The following KDM3B variants were observed in gnomAD, a reference collection of about 807,000 sequenced individuals.
The protein encoded by KDM3B is lysine-specific demethylase 3B.
In KDM3B, 10 loss-of-function variants were observed where a neutral mutation model predicts 170.0. The ratio of observed to expected loss-of-function variants is 0.06; its 90% CI spans 0.04 to 0.10. The LOEUF (loss-of-function observed/expected upper bound fraction) is 0.10. KDM3B is among the 10% of genes least tolerant of loss of function. The pLI, the probability that KDM3B is intolerant of heterozygous loss-of-function variation, is 1.00. For missense variants in KDM3B, 1,394 were observed against 2,195.2 expected, an observed-to-expected ratio of 0.64 and a Z score of 7.29; for synonymous variants, 831 against 834.8, an observed-to-expected ratio of 1.00 and a Z score of 0.08.
intron 2 of KDM3B, 79 bp downstream of exon 2, chr5:138,372,920 T>C: frequency 7.6e-7 from 1 of 1,317,814 alleles, no homozygotes; most frequent in Non-Finnish European, 1.0e-6. Context: ...GGACAGAGTA[T>C]GTGTAAGAAC....
At chr5:138,366,382 G>A (rs769398057) in intron 1 of KDM3B, among the ~76,000 whole-genome samples, 15 of 152,014 alleles carry the variant, frequency 9.9e-5, no homozygotes, top group East Asian at 1.9e-4. Flanking sequence ...CCAGGCTGGA[G>A]TGCAGTGGCG....
intron 1 of KDM3B, among the ~76,000 whole-genome samples, chr5:138,366,064 C>T (rs1761738425): frequency 6.6e-6 from 1 of 152,006 alleles, no homozygotes; most frequent in Non-Finnish European, 1.5e-5. Context: ...ATACTGTTCA[C>T]TCTCTCATCC....
chr5:138,398,101 G>A (rs1279737488), intron 9 of KDM3B, 77 bp from the exon 10 acceptor site: 5 of 1,128,114 alleles, frequency 4.4e-6, no homozygotes, highest in East Asian at 4.7e-5. Flanking sequence ...TTTTACTTCT[G>A]TTTAGGTCCC....
chr5:138,378,894 A>C (rs1347031799), intron 4 of KDM3B, among the ~76,000 whole-genome samples: 1 of 151,726 alleles, frequency 6.6e-6, no homozygotes, highest in Non-Finnish European at 1.5e-5. Context: ...AAAATTGGTA[A>C]TGATTTAGCT....
In KDM3B at chr5:138,392,226, C is replaced by A; in HGVS notation, c.2594C>A (p.Ala865Asp). 1 of 1,503,210 alleles carries A rather than the reference C, an allele frequency of 6.7e-7. No homozygotes were observed. The highest frequency in any genetic ancestry group is 2.3e-5 in the East Asian group (1 of 43,632). The allele number at this position is 1,503,210 out of a possible 1,614,324, so 93.1% of individuals were successfully genotyped here. A position where few individuals can be genotyped will look rare whatever the true frequency, so the allele number is the denominator to read the frequency against. Residue 865 changes from alanine (A) to aspartate (D), a missense_variant, in exon 8 of 24, where the codon GCC becomes GAC. Ala to Asp is a moderately radical substitution (Grantham distance 126). This residue lies in a region of KDM3B where 84 missense variants were observed against 135.8 expected (regional missense o/e 0.62). Transcript: ENST00000314358. ...LLLGKSKGKQ[A>D]PKGRPRTAPL... ...CTGGGCAAAAGCAAAGGGAAGCAGG[C>A]CCCCAAGGGCCGGCCTCGGACTGCC...
At chr5:138,419,301 C>T (rs1763191847) in intron 14 of KDM3B, 69 bp downstream of exon 14, 1 of 1,491,130 alleles carries the variant, frequency 6.7e-7, no homozygotes, top group Non-Finnish European at 9.1e-7. Context: ...ATTCTTTGAA[C>T]TCACACATTA....
At chr5:138,362,821 G>T (rs192131926) in intron 1 of KDM3B, among the ~76,000 whole-genome samples, 6,174 of 149,364 alleles carry the variant, frequency 0.041, 175 homozygotes, top group South Asian at 0.11. Context: ...CATGTGCCAT[G>T]TTGGTGTGCT....
At chr5:138,405,512 GA>G (rs541647551) in intron 11 of KDM3B, among the ~76,000 whole-genome samples, 2 of 143,642 alleles carry the variant, frequency 1.4e-5, no homozygotes, top group African/African-American at 5.1e-5. Context: ...TCTTACAAAA[GA>G]AAAAAAAAAC....
intron 1 of KDM3B, among the ~76,000 whole-genome samples, chr5:138,356,796 C>A (rs1371942959): frequency 2.0e-5 from 3 of 151,864 alleles, no homozygotes; most frequent in Non-Finnish European, 4.4e-5. Flanking sequence ...GCGTGTGCCA[C>A]CACGCCCAGG....
intron 6 of KDM3B, 165 bp downstream of exon 6, chr5:138,381,755 T>A: frequency 1.8e-6 from 1 of 546,022 alleles, no homozygotes; most frequent in Non-Finnish European, 3.3e-6. Flanking sequence ...TAAGGGGGGA[T>A]ATTCTCAAGA....
chr5:138,360,862 G>A (rs575878916), intron 1 of KDM3B, among the ~76,000 whole-genome samples: 187 of 152,296 alleles, frequency 1.2e-3, no homozygotes, highest in Non-Finnish European at 2.4e-3. Flanking sequence ...AAAGTGCTGG[G>A]ATTACAGGCG....
Position 138,424,068 on chromosome 5 carries a change from C to A in KDM3B, c.3973-7C>A. 1 of 1,530,912 alleles carries A rather than the reference C, an allele frequency of 6.5e-7. No individual in the cohort carries two copies. Among genetic ancestry groups the A allele is most frequent in the Non-Finnish European group, 8.8e-7 (1 of 1,137,232 alleles). The allele number at this position is 1,530,912 out of a possible 1,614,324, so 94.8% of individuals were successfully genotyped here. ...TCAAGCTTACCTGGTGGATTTGTGT[C>A]TGGCAGGGAGTGAAGAGCAAGGCCA... On this transcript the variant is annotated splice_polypyrimidine_tract_variant and splice_region_variant and intron_variant, in intron 15 of 23. Transcript: ENST00000314358.
rs1241815135 is a variant in KDM3B at position 138,391,816 on chromosome 5, C to G, written c.2184C>G (p.Pro728=). The G allele has an allele frequency of 1.2e-6, 2 of 1,614,110 alleles. No individual in the cohort carries two copies. The highest frequency in any genetic ancestry group is 2.2e-5 in the East Asian group (1 of 44,872). ...SAMGNGRSSS[P]TSSLTQPIEM... Reference sequence around the variant, plus strand: ...TGGGGAATGGCCGCTCCAGCTCGCCCACCAGCAGCCTCACTCAGCCCATTG... The same window carrying G: ...TGGGGAATGGCCGCTCCAGCTCGCCGACCAGCAGCCTCACTCAGCCCATTG... Residue 728 remains proline (P), a synonymous_variant, in exon 8 of 24, where the codon CCC becomes CCG. Transcript: ENST00000314358. This position sits in a 1 kb window ranked among gnomAD's most constrained non-coding sequence, Gnocchi z 5.0.
At chr5:138,362,053 C>G (rs938883953) in intron 1 of KDM3B, among the ~76,000 whole-genome samples, 4 of 152,270 alleles carry the variant, frequency 2.6e-5, no homozygotes, top group African/African-American at 9.6e-5. Flanking sequence ...GGCGCTGTGG[C>G]TCACGCCTGT....
intron 6 of KDM3B, among the ~76,000 whole-genome samples, chr5:138,382,628 A>G (rs1428579562): frequency 6.6e-6 from 1 of 152,098 alleles, no homozygotes; most frequent in African/African-American, 2.4e-5. Context: ...TTATCCAGTC[A>G]TTCTTGACTT....
Position 138,392,116 on chromosome 5 carries a change from G to A in KDM3B, c.2484G>A (p.Leu828=). The A allele has an allele frequency of 2.5e-6, 4 of 1,607,126 alleles. No individual in the cohort carries two copies. Among genetic ancestry groups the A allele is most frequent in the Non-Finnish European group, 3.4e-6 (4 of 1,174,278 alleles). Residue 828 remains leucine, a synonymous_variant, in exon 8 of 24, where the codon CTG becomes CTA. Transcript: ENST00000314358. ...ATTTGAGTGACTCTGAGGAGCAGCT[G>A]CAGGCTAAGACAGGCCTGAAGGGAA... ...LSDLSDSEEQ[L]QAKTGLKGIP...
At chr5:138,377,877 C>A in intron 4 of KDM3B, 52 bp downstream of exon 4, 2 of 1,331,256 alleles carry the variant, frequency 1.5e-6, no homozygotes, top group Non-Finnish European at 2.2e-6. Context: ...TGAATGATCA[C>A]TGTTGAGTGA....
chr5:138,369,249 C>T (rs1008838414), intron 1 of KDM3B, among the ~76,000 whole-genome samples: 4 of 152,116 alleles, frequency 2.6e-5, no homozygotes, highest in Admixed American at 2.6e-4. Context: ...GTCCTCCAGC[C>T]GTTGTATCCT....
rs757635459 is a variant in KDM3B, at chr5:138,398,143, T to C, written c.2832-35T>C. 5 of 1,532,396 alleles carry C rather than the reference T, an allele frequency of 3.3e-6. No individual in the cohort carries two copies. The East Asian group carries it at 1.1e-4, about 35-fold the overall frequency. The allele number at this position is 1,532,396 out of a possible 1,614,324, so 94.9% of individuals were successfully genotyped here. A position where few individuals can be genotyped will look rare whatever the true frequency, so the allele number is the denominator to read the frequency against. Reference sequence around the variant, plus strand: ...TTAGGTGTGTGTTAGTTTGCGTTGCTCCTGCGATTTACCATGTATTTGATC... The same window carrying C: ...TTAGGTGTGTGTTAGTTTGCGTTGCCCCTGCGATTTACCATGTATTTGATC... On this transcript the variant is annotated intron_variant, in intron 9 of 23. Transcript: ENST00000314358.
Sources: allele counts gnomAD v4.1 joint callset (sites outside exome capture counted in the v4.1 genomes callset), GRCh38; gene constraint gnomAD v4.1.1; regional missense constraint gnomAD v4.1.1; non-coding constraint Gnocchi (gnomAD v3.1); transcripts MANE v1.5; gene names NCBI Gene and HGNC (gene_info 2026-07-23, HGNC 2026-07-21).